Variants in ABI3BP observed in about 807,000 individuals in gnomAD.
The protein encoded by ABI3BP is target of Nesh-SH3.
Under a neutral mutation model 268.6 loss-of-function variants are expected in ABI3BP, and 216 were observed. That is an observed-to-expected ratio of 0.80 (90% CI 0.72 to 0.90). ABI3BP has a LOEUF of 0.90. Among genes scored for constraint, ABI3BP ranks in the 40% least tolerant of loss-of-function variants. The pLI is 0.00. For missense variants in ABI3BP, 2,090 were observed against 2,182.4 expected (o/e 0.96, Z 0.84); for synonymous variants, 730 against 730.0 (o/e 1.00, Z 0.00).
At chr3:100,779,263 C>T (rs2096797762) in intron 58 of ABI3BP, among the ~76,000 whole-genome samples, 1 of 152,178 alleles carries the variant, frequency 6.6e-6, no homozygotes, top group Non-Finnish European at 1.5e-5. Context: ...TTGTGTACCA[C>T]ACAAAGACAC....
chr3:100,900,863 G>GCATTTCTATGAGGATTTCTATGACA (rs1554087543), intron 3 of ABI3BP, among the ~76,000 whole-genome samples: 3 of 152,078 alleles, frequency 2.0e-5, no homozygotes, highest in Non-Finnish European at 4.4e-5. Flanking sequence ...AATTTCTAAG[G>GCATTTCTATGAGGATTTCTATGACA]CTAGTGTCAT....
intron 1 of ABI3BP, among the ~76,000 whole-genome samples, chr3:100,964,353 G>A (rs1352033595): frequency 2.0e-5 from 3 of 152,298 alleles, no homozygotes; most frequent in Middle Eastern, 6.8e-3. Flanking sequence ...AAACTAATAT[G>A]TGAGCCCTCC....
chr3:100,974,218 C>T (rs1032707776), intron 1 of ABI3BP, among the ~76,000 whole-genome samples: 3 of 152,082 alleles, frequency 2.0e-5, no homozygotes, highest in African/African-American at 7.2e-5. Flanking sequence ...TATAAACAAA[C>T]ACTTAATATA....
At chr3:100,882,980 T>C (rs926713460) in intron 6 of ABI3BP, among the ~76,000 whole-genome samples, 12 of 152,110 alleles carry the variant, frequency 7.9e-5, no homozygotes, top group Non-Finnish European at 1.5e-4. Flanking sequence ...CTGTTTTGCC[T>C]GTGAGGTACA....
chr3:100,905,488 G>A (rs2052952941), intron 2 of ABI3BP, among the ~76,000 whole-genome samples: 2 of 150,786 alleles, frequency 1.3e-5, no homozygotes, highest in East Asian at 1.9e-4. Context: ...AACCACTTAT[G>A]CTGAAAATGA....
chr3:100,962,877 T>G (rs1384268876), intron 1 of ABI3BP, among the ~76,000 whole-genome samples: 2 of 152,188 alleles, frequency 1.3e-5, no homozygotes, highest in Non-Finnish European at 2.9e-5. Flanking sequence ...GTAGCCCTAG[T>G]GCAGACCTCA....
chr3:100,925,235 C>T (rs1017388465), intron 2 of ABI3BP, among the ~76,000 whole-genome samples: 1 of 152,094 alleles, frequency 6.6e-6, no homozygotes, highest in Non-Finnish European at 1.5e-5. Flanking sequence ...CTTCAACATT[C>T]CCTGCATATT....
At chr3:100,754,327 A>G (rs1161058393) in intron 64 of ABI3BP, among the ~76,000 whole-genome samples, 1 of 152,210 alleles carries the variant, frequency 6.6e-6, no homozygotes, top group Non-Finnish European at 1.5e-5. Context: ...GGATGTACTC[A>G]CTGGTATTTT....
chr3:100,803,166 G>C (rs1226700380), intron 51 of ABI3BP, among the ~76,000 whole-genome samples: 1 of 146,050 alleles, frequency 6.8e-6, no homozygotes, highest in East Asian at 1.9e-4. Flanking sequence ...AGAGACCCTA[G>C]TTCTCCAGGA....
chr3:100,818,641 A>C (rs2098123462), intron 40 of ABI3BP, 60 bp from the exon 41 acceptor site: 1 of 1,301,300 alleles, frequency 7.7e-7, no homozygotes, highest in Non-Finnish European at 1.1e-6. Flanking sequence ...TTTCCATTAT[A>C]ATACTGCTTC....
chr3:100,824,775 G>T (rs1239452488), intron 36 of ABI3BP, 83 bp downstream of exon 36: 5 of 1,162,370 alleles, frequency 4.3e-6, no homozygotes, highest in Non-Finnish European at 4.8e-6. Flanking sequence ...AAGACCTGTT[G>T]CTGCTCAGCA....
chr3:100,868,014 ATTCAG>A (rs1412611747), intron 9 of ABI3BP, among the ~76,000 whole-genome samples: 2 of 152,168 alleles, frequency 1.3e-5, no homozygotes, highest in African/African-American at 4.8e-5. Flanking sequence ...GATTAATTCT[ATTCAG>A]TTATTTTCTG....
chr3:100,841,901 G>GAA (rs66923918), intron 21 of ABI3BP, 97 bp downstream of exon 21: 8,037 of 813,480 alleles, frequency 9.9e-3, no homozygotes, highest in East Asian at 0.02. Flanking sequence ...ATCTGGAGAA[G>GAA]AAAAAAAAAA....
intron 14 of ABI3BP, among the ~76,000 whole-genome samples, chr3:100,853,799 T>A (rs7619477): frequency 0.064 from 9,764 of 152,280 alleles, 1,050 homozygotes; most frequent in African/African-American, 0.22. Context: ...CAACTGTGGC[T>A]CAAATCTGGA....
intron 43 of ABI3BP, 72 bp downstream of exon 43, chr3:100,816,616 T>G: frequency 7.4e-6 from 9 of 1,221,154 alleles, no homozygotes; most frequent in Non-Finnish European, 1.0e-5. Flanking sequence ...GGCATTTCTT[T>G]AGGACTTTAT....
At chr3:100,961,581 G>C (rs908494144) in intron 1 of ABI3BP, among the ~76,000 whole-genome samples, 2 of 152,166 alleles carry the variant, frequency 1.3e-5, no homozygotes, top group African/African-American at 4.8e-5. Context: ...TATGAACCCA[G>C]ATCCAGATAT....
intron 34 of ABI3BP, among the ~76,000 whole-genome samples, chr3:100,826,298 A>G (rs2098383341): frequency 1.3e-5 from 2 of 152,170 alleles, no homozygotes; most frequent in South Asian, 4.1e-4. Flanking sequence ...TATTTAAGCC[A>G]CCTAATTTAT....
intron 21 of ABI3BP, 93 bp downstream of exon 21, chr3:100,841,905 A>G (rs1219166252): frequency 1.4e-4 from 156 of 1,120,062 alleles, no homozygotes; most frequent in Middle Eastern, 2.9e-4. Flanking sequence ...GGAGAAGAAA[A>G]AAAAAAAAAA....
At chr3:100,887,986 G>T (rs922062668) in intron 4 of ABI3BP, among the ~76,000 whole-genome samples, 4 of 152,008 alleles carry the variant, frequency 2.6e-5, no homozygotes, top group Admixed American at 2.0e-4. Context: ...TTGGGGGTCT[G>T]GTGCACAGGT....
Sources: gnomAD v4.1 joint callset for allele counts (sites outside exome capture counted in the v4.1 genomes callset) on GRCh38, gnomAD v4.1.1 for gene constraint, MANE v1.5 for transcripts, NCBI Gene and HGNC (gene_info 2026-07-23, HGNC 2026-07-21) for gene names.